Variants in RBM6 observed in about 807,000 individuals in gnomAD.
The protein encoded by RBM6 is RNA-binding protein 6.
A neutral mutation model predicts 140.4 loss-of-function variants in RBM6; 23 were observed. The observed-to-expected ratio is 0.16, with a 90% CI of 0.12 to 0.23. The LOEUF is 0.23. Among genes scored for constraint, RBM6 ranks in the 10% least tolerant of loss-of-function variants. RBM6 has a pLI of 1.00. For synonymous variants in RBM6, 439 were observed against 475.6 expected (o/e 0.92, Z 1.00); for missense variants, 1,139 against 1,386.7 (o/e 0.82, Z 2.84).
intron 6 of RBM6, among the ~76,000 whole-genome samples, chr3:50,045,055 A>G (rs2108870432): frequency 6.6e-6 from 1 of 152,338 alleles, no homozygotes; most frequent in South Asian, 2.1e-4. Context: ...TTCTGTGAGA[A>G]TAAGAAATCA....
Position 49,946,899 on chromosome 3 carries a change from T to C in RBM6, c.-67+6674T>C, listed in dbSNP as rs2083511175. On this transcript the variant is annotated intron_variant, in intron 1 of 20. Transcript: ENST00000266022. ...TCCTAGTGGATGTGAAGTGGTATCT[T>C]ATTGTGGTTTCTGATTTGCATTTCC... 3.3e-5 allele frequency among the ~76,000 whole-genome samples: 5 copies of C among 151,370 alleles called. No homozygotes were observed. The South Asian group carries it at 1.0e-3, about 32-fold the overall frequency.
At chr3:50,031,817 AAAAAT>A (rs1482957985) in intron 6 of RBM6, among the ~76,000 whole-genome samples, 1 of 152,190 alleles carries the variant, frequency 6.6e-6, no homozygotes, top group African/African-American at 2.4e-5. Flanking sequence ...ATAAAAAGAA[AAAAAT>A]AAAATAATGC....
intron 8 of RBM6, among the ~76,000 whole-genome samples, chr3:50,055,893 T>C (rs2108903123): frequency 6.6e-6 from 1 of 152,304 alleles, no homozygotes; most frequent in African/African-American, 2.4e-5. Flanking sequence ...GTAGGCAACT[T>C]CGAAGAGTCA....
intron 6 of RBM6, among the ~76,000 whole-genome samples, chr3:50,019,206 T>C (rs1003152513): frequency 3.3e-5 from 5 of 151,800 alleles, no homozygotes; most frequent in Non-Finnish European, 1.5e-5. Context: ...CAGCTAATTT[T>C]TGTATTTTTA....
At chr3:50,023,655 ATT>A (rs35083306) in intron 6 of RBM6, among the ~76,000 whole-genome samples, 10 of 115,090 alleles carry the variant, frequency 8.7e-5, no homozygotes, top group Non-Finnish European at 6.8e-5. Context: ...ATGTTTGGTG[ATT>A]TTTTTTTTTT....
chr3:49,993,729 A>G (rs1190764748), intron 5 of RBM6, among the ~76,000 whole-genome samples: 6 of 152,042 alleles, frequency 3.9e-5, no homozygotes, highest in Non-Finnish European at 8.8e-5. Context: ...CCTTGTATGC[A>G]TAGCTGAAGG....
chr3:49,985,336 G>A (rs1042981624), intron 5 of RBM6, among the ~76,000 whole-genome samples: 3 of 152,174 alleles, frequency 2.0e-5, no homozygotes, highest in African/African-American at 7.2e-5. Context: ...TTAAAAATAC[G>A]TTGACATTGG....
chr3:49,965,046 T>G (rs2084443826), intron 2 of RBM6, among the ~76,000 whole-genome samples: 1 of 152,210 alleles, frequency 6.6e-6, no homozygotes, highest in South Asian at 2.1e-4. Context: ...TTGTTTTTAT[T>G]TGGTTGAAAA....
At chr3:50,076,457 C>T (rs1184813197) in intron 20 of RBM6, among the ~76,000 whole-genome samples, 5 of 151,916 alleles carry the variant, frequency 3.3e-5, no homozygotes, top group Admixed American at 3.3e-4. Context: ...TGGCGCGCGC[C>T]TGTAATCACA....
At chr3:50,007,013 A>C (rs1372475946) in intron 6 of RBM6, among the ~76,000 whole-genome samples, 2 of 151,794 alleles carry the variant, frequency 1.3e-5, no homozygotes, top group African/African-American at 4.8e-5. Context: ...TTCTCATCTG[A>C]AACAAAGTCT....
chr3:50,001,184 G>C (rs1406032976), intron 6 of RBM6, among the ~76,000 whole-genome samples: 1 of 152,122 alleles, frequency 6.6e-6, no homozygotes, highest in Non-Finnish European at 1.5e-5. Context: ...AATAATACAG[G>C]CCAGGAGTGG....
chr3:49,968,854 C>A, intron 3 of RBM6, 106 bp downstream of exon 3: 1 of 1,318,744 alleles, frequency 7.6e-7, no homozygotes, highest in Non-Finnish European at 1.0e-6. Context: ...GATCTCTGCT[C>A]ATGCAAGCTC....
chr3:49,947,251 CA>C (rs1199917059), intron 1 of RBM6, among the ~76,000 whole-genome samples: 45 of 55,706 alleles, frequency 8.1e-4, no homozygotes, highest in African/African-American at 2.4e-3. Flanking sequence ...GACTCCGTCT[CA>C]AAAAAAAAAA....
chr3:50,029,521 T>C (rs1266579642), intron 6 of RBM6, among the ~76,000 whole-genome samples: 1 of 151,864 alleles, frequency 6.6e-6, no homozygotes, highest in African/African-American at 2.4e-5. Flanking sequence ...GATCACGAGG[T>C]CAGGAGTTCG....
chr3:50,062,516 A>AC (rs1162273455), intron 15 of RBM6, among the ~76,000 whole-genome samples: 5 of 152,024 alleles, frequency 3.3e-5, no homozygotes, highest in African/African-American at 1.2e-4. Flanking sequence ...AAAAAAAAAA[A>AC]AACCTCTGTT....
chr3:50,065,391 C>G (rs1373665824), intron 16 of RBM6, among the ~76,000 whole-genome samples: 1 of 152,218 alleles, frequency 6.6e-6, no homozygotes, highest in African/African-American at 2.4e-5. Flanking sequence ...AGATGCCTAG[C>G]CCTTTTTATC....
At chr3:49,980,630 C>T (rs910375904) in intron 5 of RBM6, among the ~76,000 whole-genome samples, 1 of 151,204 alleles carries the variant, frequency 6.6e-6, no homozygotes, top group South Asian at 2.1e-4. Flanking sequence ...GGCGTGGTGG[C>T]GGGTGCCTGT....
intron 5 of RBM6, among the ~76,000 whole-genome samples, chr3:49,987,206 TC>T (rs1418808393): frequency 6.6e-6 from 1 of 151,802 alleles, no homozygotes; most frequent in Non-Finnish European, 1.5e-5. Flanking sequence ...CCAAGTAGCC[TC>T]CCAAAGTGCT....
intron 6 of RBM6, among the ~76,000 whole-genome samples, chr3:50,034,603 A>C (rs1470860994): frequency 6.6e-6 from 1 of 152,112 alleles, no homozygotes; most frequent in Non-Finnish European, 1.5e-5. Context: ...TCTACTAAAA[A>C]TACAAAAGCT....
Sources: gnomAD v4.1 joint callset for allele counts (sites outside exome capture counted in the v4.1 genomes callset) on GRCh38, gnomAD v4.1.1 for gene constraint, MANE v1.5 for transcripts, NCBI Gene and HGNC (gene_info 2026-07-23, HGNC 2026-07-21) for gene names.